The following SYTL2 variants were observed in gnomAD, a reference collection of about 807,000 sequenced individuals.
SYTL2 encodes the protein synaptotagmin-like protein 2.
In SYTL2, 165 loss-of-function variants were observed where a neutral mutation model predicts 198.7. The observed-to-expected ratio is 0.83, with a 90% CI of 0.73 to 0.94. The LOEUF (loss-of-function observed/expected upper bound fraction) is 0.94, where lower values mean the gene tolerates loss of function less well. Ranked by LOEUF, SYTL2 falls within the 40% of genes least tolerant of loss-of-function variation. The pLI is 0.00. For missense variants in SYTL2, 2,835 were observed against 2,582.8 expected (o/e 1.10, Z -2.12); for synonymous variants, 966 against 917.7 (o/e 1.05, Z -0.95).
At chr11:85,749,329 C>T (rs566804564) in intron 2 of SYTL2, among the ~76,000 whole-genome samples, 2 of 152,302 alleles carry the variant, frequency 1.3e-5, no homozygotes, top group African/African-American at 2.4e-5. Flanking sequence ...GAACACTATA[C>T]TCTTGGAAGA....
chr11:85,697,978 C>T lies in SYTL2; in HGVS notation c.6368+1G>A. On this transcript the variant is annotated splice_donor_variant, in intron 18 of 19. Transcript: ENST00000359152. LOFTEE classifies it high-confidence loss of function. ...GCAGACAGAGTCATCAATACTATTACCATTTAACAAAAGAATTTAGATGAC... is the reference window on the plus strand; with the variant it reads ...GCAGACAGAGTCATCAATACTATTATCATTTAACAAAAGAATTTAGATGAC... 1 of 1,600,854 alleles carries T rather than the reference C, an allele frequency of 6.2e-7. No individual in the cohort carries two copies. Among genetic ancestry groups the T allele is most frequent in the Non-Finnish European group, 8.6e-7 (1 of 1,168,096 alleles).
chr11:85,699,876 T>C (rs2083991348), intron 17 of SYTL2, among the ~76,000 whole-genome samples: 1 of 152,172 alleles, frequency 6.6e-6, no homozygotes, highest in Non-Finnish European at 1.5e-5. Context: ...AAAAGCTTTA[T>C]CTCTTAATGA....
chr11:85,735,289 G>A (rs1428171337), intron 6 of SYTL2, among the ~76,000 whole-genome samples: 1 of 152,006 alleles, frequency 6.6e-6, no homozygotes, highest in Non-Finnish European at 1.5e-5. Flanking sequence ...TATAGTTTGT[G>A]ATTATTTTAC....
intron 2 of SYTL2, 102 bp downstream of exon 2, chr11:85,757,523 G>T: frequency 7.7e-7 from 1 of 1,292,168 alleles, no homozygotes; most frequent in Non-Finnish European, 1.1e-6. Context: ...TTCAGTCTTC[G>T]AGTCAGAACT....
At chr11:85,795,574 C>T (rs1027724607) in intron 1 of SYTL2, among the ~76,000 whole-genome samples, 4 of 152,042 alleles carry the variant, frequency 2.6e-5, no homozygotes, top group Non-Finnish European at 4.4e-5. Flanking sequence ...CTATAATGTG[C>T]TGCTTATGTT....
Position 85,767,893 on chromosome 11 carries a change from A to T in SYTL2, c.-389-9779T>A, listed in dbSNP as rs138796487. On this transcript the variant is annotated intron_variant, in intron 1 of 19. Transcript: ENST00000359152. The stretch of plus-strand genomic sequence containing the variant: ...CCACTTCTAGCTTCTGCTCAAATCC[A>T]GGACCTATAGGTGAAGCAAGCAAGG... 4.4e-3 allele frequency among the ~76,000 whole-genome samples: 663 copies of T among 152,310 alleles called. 1 individual carries two copies. Among genetic ancestry groups the T allele is most frequent in the Middle Eastern group, 0.014 (4 of 294 alleles).
At chr11:85,762,814 C>T (rs991383801) in intron 1 of SYTL2, among the ~76,000 whole-genome samples, 3 of 152,198 alleles carry the variant, frequency 2.0e-5, no homozygotes, top group Non-Finnish European at 4.4e-5. Flanking sequence ...AGTCACAGTA[C>T]TCATCACACG....
At chr11:85,770,988 C>T (rs1400990285) in intron 1 of SYTL2, among the ~76,000 whole-genome samples, 2 of 152,206 alleles carry the variant, frequency 1.3e-5, no homozygotes, top group Non-Finnish European at 2.9e-5. Context: ...GGCATCATAC[C>T]TATCTTACTG....
At chr11:85,833,098 A>AGAAAGGAAG in the SYTL2 span, among the ~76,000 whole-genome samples, 3 of 32,472 alleles carry the variant, frequency 9.2e-5, 1 homozygote. Flanking sequence ...AAAGAAAGAA[A>AGAAAGGAAG]GAAGGAAGGA....
the SYTL2 span, among the ~76,000 whole-genome samples, chr11:85,816,472 G>T: frequency 2.0e-5 from 3 of 152,314 alleles, no homozygotes; most frequent in East Asian, 5.8e-4. Context: ...GTTACCAGGG[G>T]CTAGGGAGGA....
intron 1 of SYTL2, among the ~76,000 whole-genome samples, chr11:85,799,122 C>G (rs2092847384): frequency 6.6e-6 from 1 of 152,180 alleles, no homozygotes; most frequent in Non-Finnish European, 1.5e-5. Flanking sequence ...TAAAGCCCAT[C>G]AATGTACTAA....
chr11:85,701,541 G>A (rs1169590413), intron 16 of SYTL2, among the ~76,000 whole-genome samples: 2 of 152,176 alleles, frequency 1.3e-5, no homozygotes, highest in Non-Finnish European at 2.9e-5. Context: ...TTCAAAATAT[G>A]GGTATGTATC....
rs2083391833 is a variant in SYTL2 at position 85,696,282 on chromosome 11, G to T, written c.6475C>A (p.Pro2159Thr). Residue 2159 changes from proline (P) to threonine (T), a missense_variant, in exon 19 of 20, where the codon CCT becomes ACT. By Grantham distance (38) the Pro-to-Thr change is conservative (BLOSUM62 -1). Coordinates refer to ENST00000359152, the MANE Select transcript of SYTL2 (RefSeq NM_206927.4). ...ACACAGGCTTCCATCAGATCTTCAGGCCTGAACCCATCATACACCATAGTG... is the reference window on the plus strand; with the variant it reads ...ACACAGGCTTCCATCAGATCTTCAGTCCTGAACCCATCATACACCATAGTG... ...NHTMVYDGFR[P>T]EDLMEACVEL... The T allele has an allele frequency of 6.2e-7, 1 of 1,613,856 alleles. No individual in the cohort carries two copies. The highest frequency in any genetic ancestry group is 1.7e-5 in the Admixed American group (1 of 60,004).
chr11:85,723,332 G>C (rs1409595377), intron 8 of SYTL2, among the ~76,000 whole-genome samples: 1 of 152,174 alleles, frequency 6.6e-6, no homozygotes, highest in Non-Finnish European at 1.5e-5. Context: ...TGAGTCATCT[G>C]GCCAAAGTCA....
chr11:85,743,987 T>G (rs111543719), intron 4 of SYTL2, among the ~76,000 whole-genome samples: 2,964 of 152,204 alleles, frequency 0.019, 101 homozygotes, highest in African/African-American at 0.068. Context: ...TAAATATAAA[T>G]AACTATGTTC....
chr11:85,749,926 T>C (rs1209752166), intron 2 of SYTL2, among the ~76,000 whole-genome samples: 1 of 152,180 alleles, frequency 6.6e-6, no homozygotes, highest in Non-Finnish European at 1.5e-5. Context: ...GGGGTATTTA[T>C]TCAGATCTTG....
intron 14 of SYTL2, among the ~76,000 whole-genome samples, chr11:85,708,764 T>C (rs535956091): frequency 1.3e-5 from 2 of 151,950 alleles, no homozygotes; most frequent in African/African-American, 4.8e-5. Context: ...CGTTCTTATC[T>C]GTAAAATGAA....
upstream of SYTL2, among the ~76,000 whole-genome samples, chr11:85,814,887 G>A (rs1295784769): frequency 6.6e-6 from 1 of 152,136 alleles, no homozygotes; most frequent in African/African-American, 2.4e-5. Context: ...CTCCTAGACT[G>A]AAAAAATTAA....
At chr11:85,788,179 C>A (rs2092668360) in intron 1 of SYTL2, among the ~76,000 whole-genome samples, 1 of 152,134 alleles carries the variant, frequency 6.6e-6, no homozygotes, top group African/African-American at 2.4e-5. Context: ...CATTTTGAAC[C>A]CTAACTATGT....
Sources: allele counts gnomAD v4.1 joint callset (sites outside exome capture counted in the v4.1 genomes callset), GRCh38; gene constraint gnomAD v4.1.1; transcripts MANE v1.5; gene names NCBI Gene and HGNC (gene_info 2026-07-23, HGNC 2026-07-21).